SPP2: variants seen among roughly 807,000 people sequenced by gnomAD.
The protein encoded by SPP2 is secreted phosphoprotein 2.
A neutral mutation model predicts 28.8 loss-of-function variants in SPP2; 34 were observed. The ratio of observed to expected loss-of-function variants is 1.18; its 90% CI spans 0.90 to 1.57. SPP2 has a LOEUF of 1.57. Ranked by LOEUF, SPP2 falls within the 40% of genes most tolerant of loss-of-function variation. The pLI, the probability that SPP2 is intolerant of heterozygous loss-of-function variation, is 0.00. For synonymous variants in SPP2, 96 were observed against 89.4 expected (o/e 1.07, Z -0.42); for missense variants, 269 against 263.9 (o/e 1.02, Z -0.13).
intron 4 of SPP2, 128 bp from the exon 5 acceptor site, chr2:234,066,405 G>C: frequency 1.3e-6 from 1 of 749,264 alleles, no homozygotes; most frequent in Non-Finnish European, 2.3e-6. Flanking sequence ...ATAACGTATT[G>C]CCTATTTCAT....
chr2:234,055,142 T>A (rs763296483), intron 2 of SPP2, among the ~76,000 whole-genome samples: 4 of 151,800 alleles, frequency 2.6e-5, no homozygotes, highest in African/African-American at 4.8e-5. Context: ...TATGAATATA[T>A]GAGAGAGAGA....
intron 4 of SPP2, among the ~76,000 whole-genome samples, chr2:234,063,394 C>A (rs2125461181): frequency 6.6e-6 from 1 of 152,178 alleles, no homozygotes. Flanking sequence ...GCCCCAAAAT[C>A]CAAATTATGA....
chr2:234,052,137 G>A (rs574187013), intron 2 of SPP2, among the ~76,000 whole-genome samples: 1 of 152,180 alleles, frequency 6.6e-6, no homozygotes, highest in Non-Finnish European at 1.5e-5. Context: ...AAGACTATGG[G>A]CTATGCTTTT....
chr2:234,055,190 T>C (rs1413800061), intron 2 of SPP2, among the ~76,000 whole-genome samples: 1 of 152,172 alleles, frequency 6.6e-6, no homozygotes, highest in Non-Finnish European at 1.5e-5. Context: ...AGGAATTGCC[T>C]CATGCAATTT....
chr2:234,073,652 A>C (rs1429477476), intron 7 of SPP2, among the ~76,000 whole-genome samples: 2 of 152,228 alleles, frequency 1.3e-5, no homozygotes, highest in Non-Finnish European at 2.9e-5. Flanking sequence ...CTCTTTGAGA[A>C]TCTTAGACTT....
intron 4 of SPP2, among the ~76,000 whole-genome samples, chr2:234,062,911 A>C (rs771057451): frequency 6.6e-6 from 1 of 152,228 alleles, no homozygotes; most frequent in African/African-American, 2.4e-5. Flanking sequence ...GAAGACTCAG[A>C]TATTAAGTTA....
intron 5 of SPP2, 73 bp downstream of exon 5, chr2:234,066,660 C>A: frequency 9.2e-7 from 1 of 1,083,766 alleles, no homozygotes; most frequent in South Asian, 1.4e-5. Flanking sequence ...GTTAGTGAGT[C>A]ATTTAAAACT....
intron 4 of SPP2, among the ~76,000 whole-genome samples, chr2:234,065,503 C>T (rs13388104): frequency 1.7e-3 from 265 of 152,298 alleles, no homozygotes; most frequent in African/African-American, 6.0e-3. Flanking sequence ...TGGTCTCCAA[C>T]TCCTGGCCTC....
intron 7 of SPP2, among the ~76,000 whole-genome samples, chr2:234,071,493 G>T (rs144063681): frequency 2.0e-5 from 3 of 152,316 alleles, no homozygotes; most frequent in Middle Eastern, 3.4e-3. Context: ...GATGGGATTG[G>T]AGCAAATGTA....
At chr2:234,059,191 A>G (rs1263897651) in intron 3 of SPP2, among the ~76,000 whole-genome samples, 9 of 152,202 alleles carry the variant, frequency 5.9e-5, no homozygotes, top group Admixed American at 5.9e-4. Context: ...CTGGTGCCTC[A>G]GTTTCCTGCT....
intron 4 of SPP2, among the ~76,000 whole-genome samples, chr2:234,064,086 TCTC>T (rs1693772157): frequency 6.6e-6 from 1 of 151,536 alleles, no homozygotes; most frequent in African/African-American, 2.4e-5. Context: ...GCCACATTCT[TCTC>T]CTTCCCCTTC....
At chr2:234,056,670 C>A (rs1693613841) in intron 2 of SPP2, among the ~76,000 whole-genome samples, 1 of 151,840 alleles carries the variant, frequency 6.6e-6, no homozygotes, top group Non-Finnish European at 1.5e-5. Flanking sequence ...AGTGGAGGGC[C>A]CCAAACAATG....
rs907542594 is a variant in SPP2, at chr2:234,050,796, A to G, written c.10A>G (p.Arg4Gly). MIS[R>G]MEKMTMMMKI... is the part of the protein sequence containing the mutation. ...TCTCTCGATTACAATCATGATTTCC[A>G]GAATGGAGAAGATGACGATGATGAT... The change falls in exon 1 of 8, where the codon AGA (arginine) becomes GGA (glycine). Residue 4 changes from arginine (R) to glycine (G), a missense_variant. Arg to Gly is a moderately radical substitution (Grantham distance 125, BLOSUM62 -2). Transcript: ENST00000168148. 1.2e-6 allele frequency: 2 copies of G among 1,613,790 alleles called. No homozygotes were observed. Among genetic ancestry groups the G allele is most frequent in the African/African-American group, 1.3e-5 (1 of 74,902 alleles).
intron 2 of SPP2, among the ~76,000 whole-genome samples, chr2:234,056,655 C>A (rs1276364213): frequency 6.6e-6 from 1 of 152,038 alleles, no homozygotes; most frequent in African/African-American, 2.4e-5. Context: ...TGAAGCTCAC[C>A]CTGCAGTGGA....
At chr2:234,070,328 C>G (rs1164696808) in intron 7 of SPP2, among the ~76,000 whole-genome samples, 1 of 152,248 alleles carries the variant, frequency 6.6e-6, no homozygotes, top group Non-Finnish European at 1.5e-5. Flanking sequence ...AAGCAACTGC[C>G]TTCCCTCCGT....
At chr2:234,067,308 C>A in intron 6 of SPP2, 34 bp downstream of exon 6, 1 of 1,606,884 alleles carries the variant, frequency 6.2e-7, no homozygotes, top group Non-Finnish European at 8.5e-7. Context: ...GCCACCAGAC[C>A]CTTTTCTGAT....
intron 2 of SPP2, among the ~76,000 whole-genome samples, chr2:234,052,912 A>G (rs981621586): frequency 6.6e-6 from 1 of 152,172 alleles, no homozygotes; most frequent in African/African-American, 2.4e-5. Context: ...CATGTCTTCT[A>G]TAAACACCCT....
At chr2:234,064,701 A>T (rs1693783818) in intron 4 of SPP2, among the ~76,000 whole-genome samples, 1 of 152,146 alleles carries the variant, frequency 6.6e-6, no homozygotes, top group South Asian at 2.1e-4. Context: ...CCCCAGTAAC[A>T]GTTGTTCTCT....
At chr2:234,052,774 G>A (rs545802023) in intron 2 of SPP2, among the ~76,000 whole-genome samples, 3 of 152,278 alleles carry the variant, frequency 2.0e-5, no homozygotes, top group South Asian at 2.1e-4. Context: ...TACAGTCACC[G>A]TGCCCTCTTG....
Sources: allele counts gnomAD v4.1 joint callset (sites outside exome capture counted in the v4.1 genomes callset), GRCh38; gene constraint gnomAD v4.1.1; transcripts MANE v1.5; gene names NCBI Gene and HGNC (gene_info 2026-07-23, HGNC 2026-07-21).